The following HMCN2 variants were observed in gnomAD, a reference collection of about 807,000 sequenced individuals.
HMCN2 encodes hemicentin-2.
Under a neutral mutation model 377.5 loss-of-function variants are expected in HMCN2, and 325 were observed. The observed-to-expected ratio is 0.86, with a 90% CI of 0.79 to 0.94. The LOEUF (loss-of-function observed/expected upper bound fraction) is 0.94. Ranked by LOEUF, HMCN2 falls within the 40% of genes least tolerant of loss-of-function variation. The pLI, the probability that HMCN2 is intolerant of heterozygous loss-of-function variation, is 0.00. For missense variants in HMCN2, 4,543 were observed against 4,725.3 expected (o/e 0.96, Z 1.13); for synonymous variants, 2,007 against 2,046.8 (o/e 0.98, Z 0.53).
At position 130,307,542 on chromosome 9, in the gene HMCN2, C is replaced by G. The variant is rs1554937289; in HGVS notation, c.2176C>G (p.Pro726Ala). 2.1e-6 allele frequency: 1 copy of G among 471,174 alleles called. No individual in the cohort carries two copies. 29.2% of individuals were successfully genotyped at this position (471,174 alleles called of 1,614,324 possible). The change falls in exon 14 of 98, where the codon CCG becomes GCG. Residue 726 changes from proline (P) to alanine (A), a missense_variant. Transcript: ENST00000683500. ...VLVCEASGVP[P>A]PRVIWYRGGL... ...GGTGTGTGAGGCATCTGGGGTTCCC[C>G]CGCCCCGAGTCATCTGGTATCGAGG...
At position 130,285,219 on chromosome 9, in the gene HMCN2, A is replaced by AC. The variant is rs1835355422; in HGVS notation, c.396dup (p.Gly133ArgfsTer52). ...ATTAAGGCTGCCGTGGAGGTTGCCA[A>AC]CCCCGGATCCTTCATCTACGTCTTT... is the stretch of plus-strand genomic sequence containing the variant. On this transcript the variant is annotated frameshift_variant, in exon 3 of 98. Coordinates refer to ENST00000683500, the MANE Select transcript of HMCN2 (RefSeq NM_001291815.2). LOFTEE classifies it high-confidence loss of function. 2.1e-6 allele frequency: 1 copy of AC among 470,950 alleles called. No homozygotes were observed. Among genetic ancestry groups the AC allele is most frequent in the Admixed American group, 2.3e-5 (1 of 42,558 alleles). 29.2% of individuals were successfully genotyped at this position (470,950 alleles called of 1,614,324 possible). A position where few individuals can be genotyped will look rare whatever the true frequency, so the allele number is the denominator to read the frequency against.
chr9:130,358,187 G>C (rs150027871), intron 35 of HMCN2, among the ~76,000 whole-genome samples, 199 bp downstream of exon 35: 87 of 152,140 alleles, frequency 5.7e-4, no homozygotes, highest in African/African-American at 2.0e-3. Flanking sequence ...AAATGTCAGT[G>C]GGGGGGACAG....
chr9:130,392,415 G>C (rs909762869), intron 66 of HMCN2, among the ~76,000 whole-genome samples: 1 of 152,206 alleles, frequency 6.6e-6, no homozygotes, highest in African/African-American at 2.4e-5. Flanking sequence ...TGCTGTGCCT[G>C]TCACTGGGGA....
At chr9:130,291,956 A>T (rs1239925280) in intron 4 of HMCN2, among the ~76,000 whole-genome samples, 2 of 149,880 alleles carry the variant, frequency 1.3e-5, no homozygotes, top group Non-Finnish European at 2.9e-5. Flanking sequence ...TTCAAGAGGC[A>T]TGGATTTGTA....
At position 130,349,533 on chromosome 9, in the gene HMCN2, C is replaced by G; in HGVS notation, c.4304-4C>G. On this transcript the variant is annotated splice_polypyrimidine_tract_variant and splice_region_variant and intron_variant, in intron 28 of 97. Transcript: ENST00000683500. ...TCCCACCCCTCACGCCTTCTCACCCCCAGCCCCTCCTTCCGTGCTTGGAGC... is the reference window on the plus strand; with the variant it reads ...TCCCACCCCTCACGCCTTCTCACCCGCAGCCCCTCCTTCCGTGCTTGGAGC... 7.7e-7 allele frequency: 1 copy of G among 1,302,272 alleles called. No individual in the cohort carries two copies. Among genetic ancestry groups the G allele is most frequent in the Non-Finnish European group, 1.0e-6 (1 of 988,602 alleles). 80.7% of individuals were successfully genotyped at this position (1,302,272 alleles called of 1,614,324 possible). A position where few individuals can be genotyped will look rare whatever the true frequency, so the allele number is the denominator to read the frequency against.
At chr9:130,292,560 C>T (rs1013468648) in intron 4 of HMCN2, among the ~76,000 whole-genome samples, 30 of 152,328 alleles carry the variant, frequency 2.0e-4, no homozygotes, top group Admixed American at 3.3e-4. Flanking sequence ...GGAGTCACTT[C>T]AGTTGTGGCA....
chr9:130,356,550 C>T (rs1387038322), intron 34 of HMCN2, among the ~76,000 whole-genome samples: 1 of 152,234 alleles, frequency 6.6e-6, no homozygotes, highest in Non-Finnish European at 1.5e-5. Flanking sequence ...CCCTCTTTCT[C>T]TTGTCTTCGT....
At chr9:130,289,899 C>T (rs1554929394) in intron 4 of HMCN2, among the ~76,000 whole-genome samples, 1 of 152,214 alleles carries the variant, frequency 6.6e-6, no homozygotes, top group Admixed American at 6.5e-5. Flanking sequence ...TCATCTGTGC[C>T]TCGGGGGCCC....
At position 130,393,923 on chromosome 9, in the gene HMCN2, G is replaced by A. The variant is rs1240473070; in HGVS notation, c.10416G>A (p.Val3472=). 1 of 1,289,342 alleles carries A rather than the reference G, an allele frequency of 7.8e-7. No individual in the cohort carries two copies. The highest frequency in any genetic ancestry group is 5.6e-5 in the East Asian group (1 of 18,018). The allele number at this position is 1,289,342 out of a possible 1,614,324, so 79.9% of individuals were successfully genotyped here. Residue 3472 remains valine, a synonymous_variant, in exon 68 of 98, where the codon GTG becomes GTA. Coordinates refer to ENST00000683500, the MANE Select transcript of HMCN2 (RefSeq NM_001291815.2). The surrounding 1 kb of genome is among the most constrained non-coding windows in gnomAD (Gnocchi z 5.2). ...GGCCCAGCCTGCAGCTGGAGGCAGT[G>A]GGAGCTGGTGACTCGGGGACCTACT... The part of the protein sequence containing the change: ...EQGPSLQLEA[V]GAGDSGTYSC...
chr9:130,299,086 G>A lies in HMCN2; in HGVS notation c.1074G>A (p.Ser358=), dbSNP rs552336104. 5 of 471,078 alleles carry A rather than the reference G, an allele frequency of 1.1e-5. No individual in the cohort carries two copies. The highest frequency in any genetic ancestry group is 4.6e-5 in the South Asian group (3 of 64,562). The allele number at this position is 471,078 out of a possible 1,614,324, so 29.2% of individuals were successfully genotyped here. Residue 358 remains serine (S), a synonymous_variant, in exon 8 of 98, where the codon TCG becomes TCA. Coordinates refer to ENST00000683500, the MANE Select transcript of HMCN2 (RefSeq NM_001291815.2). ...TGLKAPGRLD[S]VELAQSSGKP... The stretch of plus-strand genomic sequence containing the variant: ...TGAAGGCACCCGGCCGCCTAGACTC[G>A]GTGGAGCTGGCACAAAGCTCAGGGA...
In HMCN2 at chr9:130,306,253, C is replaced by G. The variant is rs1554936696; in HGVS notation, c.1941C>G (p.Ala647=). The change falls in exon 12 of 98, where the codon GCC becomes GCG. Residue 647 remains alanine (A), a synonymous_variant. Transcript: ENST00000683500. ...TCTCCTGGAGCCGTGAGAGCCAAGC[C>G]CTACAAGAGGACAGCAGGTGAGGGG... The part of the protein sequence containing the change: ...PHISWSRESQ[A]LQEDSRIHVD... 2 of 471,108 alleles carry G rather than the reference C, an allele frequency of 4.2e-6. No homozygotes were observed. Among genetic ancestry groups the G allele is most frequent in the Non-Finnish European group, 4.4e-6 (1 of 227,026 alleles). 29.2% of individuals were successfully genotyped at this position (471,108 alleles called of 1,614,324 possible).
At chr9:130,427,982 T>C (rs1844488909) in intron 92 of HMCN2, among the ~76,000 whole-genome samples, 1 of 152,146 alleles carries the variant, frequency 6.6e-6, no homozygotes, top group South Asian at 2.1e-4. Context: ...CCCTCAGCAA[T>C]GTTGCTGGAT....
intron 43 of HMCN2, among the ~76,000 whole-genome samples, chr9:130,366,936 G>GC (rs917843122): frequency 2.4e-4 from 36 of 152,214 alleles, no homozygotes; most frequent in Non-Finnish European, 5.0e-4. Context: ...TAGGAAGCGG[G>GC]AAAGATGTTC....
intron 85 of HMCN2, among the ~76,000 whole-genome samples, chr9:130,412,927 A>C (rs148055481): frequency 6.6e-6 from 1 of 152,260 alleles, no homozygotes; most frequent in Non-Finnish European, 1.5e-5. Context: ...TCAGTGATCC[A>C]TTTTGAGTTA....
rs1841397453 is a variant in HMCN2 at position 130,376,661 on chromosome 9, G to A, written c.8061+3G>A. 9.1e-6 allele frequency: 9 copies of A among 985,764 alleles called. No individual in the cohort carries two copies. In the South Asian group the frequency reaches 4.2e-4, roughly 46 times the overall value. 61.1% of individuals were successfully genotyped at this position (985,764 alleles called of 1,614,324 possible). ...TCCGCTGGTACAAGGATGGACAGGT[G>A]AGTTTGGGACCCCCTGCGCAGCTTC... On this transcript the variant is annotated splice_donor_region_variant and intron_variant, in intron 52 of 97. Transcript: ENST00000683500.
chr9:130,360,432 C>A lies in HMCN2; in HGVS notation c.5778C>A (p.Val1926=), dbSNP rs1840312878. Residue 1926 remains valine, a synonymous_variant, in exon 38 of 98, where the codon GTC becomes GTA. Coordinates refer to ENST00000683500, the MANE Select transcript of HMCN2 (RefSeq NM_001291815.2). This position sits in a 1 kb window ranked among gnomAD's most constrained non-coding sequence, Gnocchi z 4.7. ...CLASGVPPPD[V]SWFKGHQPVS... ...CATCTCTCTTCCTTTCCCCAGATGT[C>A]TCCTGGTTCAAGGGCCACCAACCTG... The A allele has an allele frequency of 7.7e-7, 1 of 1,295,088 alleles. No individual in the cohort carries two copies. The highest frequency in any genetic ancestry group is 1.5e-5 in the African/African-American group (1 of 65,248). 80.2% of individuals were successfully genotyped at this position (1,295,088 alleles called of 1,614,324 possible).
At position 130,373,707 on chromosome 9, in the gene HMCN2, A is replaced by ATGGATG. The variant is rs1354843791; in HGVS notation, c.7438+583_7438+584insTGGATG. Reference sequence around the variant, plus strand: ...TGGATGGATAGATGGATGGATAGGTAGATGGATGGATGGATGGATGGATAG... The same window carrying ATGGATG: ...TGGATGGATAGATGGATGGATAGGTATGGATGGATGGATGGATGGATGGATGGATAG... On this transcript the variant is annotated intron_variant, in intron 48 of 97. Transcript: ENST00000683500. Among the ~76,000 whole-genome samples, 20 of 115,438 alleles carry ATGGATG rather than the reference A, an allele frequency of 1.7e-4. 2 individuals are homozygous for ATGGATG. Among genetic ancestry groups the ATGGATG allele is most frequent in the African/African-American group, 5.4e-4 (17 of 31,494 alleles). 75.7% of individuals were successfully genotyped at this position (115,438 alleles called of 152,430 possible).
At chr9:130,429,343 C>G in intron 93 of HMCN2, 1 of 607,750 alleles carries the variant, frequency 1.6e-6, no homozygotes, top group Non-Finnish European at 2.9e-6. Flanking sequence ...AAGGGCCTTT[C>G]AGCCCCTTCC....
At chr9:130,419,207 G>A (rs915712997) in intron 86 of HMCN2, 166 bp downstream of exon 86, 3 of 604,554 alleles carry the variant, frequency 5.0e-6, no homozygotes, top group Non-Finnish European at 7.6e-6. Flanking sequence ...CCCGTTTACA[G>A]TTGGGTAAAC....
Sources: allele counts gnomAD v4.1 joint callset (sites outside exome capture counted in the v4.1 genomes callset), GRCh38; gene constraint gnomAD v4.1.1; non-coding constraint Gnocchi (gnomAD v3.1); transcripts MANE v1.5; gene names NCBI Gene and HGNC (gene_info 2026-07-23, HGNC 2026-07-21).